Variants in DLG2 observed in about 807,000 individuals in gnomAD.
DLG2 encodes disks large homolog 2.
In DLG2, 45 loss-of-function variants were observed where a neutral mutation model predicts 132.5. The ratio of observed to expected loss-of-function variants is 0.34; its 90% CI spans 0.27 to 0.44. The LOEUF is 0.44. Ranked by LOEUF, DLG2 falls within the 20% of genes least tolerant of loss-of-function variation. The pLI is 1.00. For missense variants in DLG2, 1,045 were observed against 1,196.9 expected (o/e 0.87, Z 1.87); for synonymous variants, 424 against 419.6 (o/e 1.01, Z -0.13).
At chr11:84,590,297 G>A (rs931894499) in intron 6 of DLG2, among the ~76,000 whole-genome samples, 9 of 152,174 alleles carry the variant, frequency 5.9e-5, no homozygotes, top group Admixed American at 5.2e-4. Context: ...AGCCCCAAGA[G>A]ATCCCATTCT....
chr11:84,621,549 G>A (rs886683898), intron 6 of DLG2, among the ~76,000 whole-genome samples: 3 of 152,154 alleles, frequency 2.0e-5, no homozygotes, highest in African/African-American at 7.2e-5. Flanking sequence ...AATATTTATA[G>A]GAAGTCAGAA....
intron 11 of DLG2, among the ~76,000 whole-genome samples, chr11:84,023,617 C>A (rs114595037): frequency 0.017 from 2,511 of 152,156 alleles, 71 homozygotes; most frequent in African/African-American, 0.056. Flanking sequence ...CAGATGGTTT[C>A]TCAATAAATA....
At chr11:84,830,785 G>A (rs1407329637) in intron 6 of DLG2, among the ~76,000 whole-genome samples, 1 of 151,478 alleles carries the variant, frequency 6.6e-6, no homozygotes, top group Non-Finnish European at 1.5e-5. Flanking sequence ...TTTAATCTTA[G>A]AATATCTTTA....
intron 16 of DLG2, among the ~76,000 whole-genome samples, chr11:83,844,455 C>T (rs934517610): frequency 6.5e-5 from 9 of 137,654 alleles, no homozygotes; most frequent in South Asian, 2.3e-4. Flanking sequence ...GGCTGAGGCA[C>T]GAGAATTGCT....
chr11:84,579,869 A>G (rs1256593104), intron 6 of DLG2, among the ~76,000 whole-genome samples: 1 of 152,216 alleles, frequency 6.6e-6, no homozygotes, highest in East Asian at 1.9e-4. Context: ...GGCATACTTG[A>G]CAGTACTTGG....
At chr11:84,644,031 G>A (rs2099671386) in intron 6 of DLG2, among the ~76,000 whole-genome samples, 1 of 152,176 alleles carries the variant, frequency 6.6e-6, no homozygotes, top group African/African-American at 2.4e-5. Flanking sequence ...CTGGTAAGTG[G>A]TAGATGGGGA....
intron 7 of DLG2, among the ~76,000 whole-genome samples, chr11:84,314,952 G>A (rs933053182): frequency 1.9e-4 from 29 of 152,246 alleles, no homozygotes; most frequent in African/African-American, 6.5e-4. Flanking sequence ...TAAGTGAAAA[G>A]TGTTAAAACA....
intron 18 of DLG2, among the ~76,000 whole-genome samples, chr11:83,710,846 G>A (rs1358960534): frequency 6.6e-6 from 1 of 152,158 alleles, no homozygotes; most frequent in Non-Finnish European, 1.5e-5. Flanking sequence ...AATAAAAAAG[G>A]TAAATGTAAT....
chr11:84,827,664 A>G (rs1019829461), intron 6 of DLG2, among the ~76,000 whole-genome samples: 2 of 121,634 alleles, frequency 1.6e-5, no homozygotes, highest in Non-Finnish European at 3.4e-5. Context: ...GCTGGAACTG[A>G]GTACATACAG....
At chr11:84,368,565 T>G (rs2098693440) in intron 7 of DLG2, among the ~76,000 whole-genome samples, 2 of 152,138 alleles carry the variant, frequency 1.3e-5, no homozygotes, top group African/African-American at 4.8e-5. Context: ...ACGTATTTGG[T>G]GTTAACATGT....
intron 18 of DLG2, among the ~76,000 whole-genome samples, chr11:83,659,962 G>A (rs2073819384): frequency 6.6e-6 from 1 of 152,094 alleles, no homozygotes; most frequent in African/African-American, 2.4e-5. Context: ...ATCCTAAATT[G>A]GAGGTTCTGT....
intron 14 of DLG2, among the ~76,000 whole-genome samples, chr11:83,932,472 G>A (rs1428300742): frequency 6.6e-6 from 1 of 152,024 alleles, no homozygotes; most frequent in African/African-American, 2.4e-5. Flanking sequence ...CTGACCTCAT[G>A]ATCTGCCTGC....
intron 6 of DLG2, among the ~76,000 whole-genome samples, chr11:84,932,236 G>C (rs1338401657): frequency 6.6e-6 from 1 of 152,012 alleles, no homozygotes; most frequent in African/African-American, 2.4e-5. Context: ...GTCTTCCAGG[G>C]TTTTTATAAT....
At chr11:84,470,392 G>C (rs1021476600) in intron 7 of DLG2, among the ~76,000 whole-genome samples, 4 of 151,624 alleles carry the variant, frequency 2.6e-5, no homozygotes, top group Non-Finnish European at 5.9e-5. Flanking sequence ...GCCATGTTAG[G>C]TACTAAAGAT....
intron 6 of DLG2, among the ~76,000 whole-genome samples, chr11:84,880,974 G>T (rs1366247539): frequency 1.3e-5 from 2 of 152,088 alleles, no homozygotes; most frequent in African/African-American, 4.8e-5. Flanking sequence ...AAAACTAACA[G>T]ATCTTTACGT....
At chr11:84,132,317 T>C (rs929273892) in intron 9 of DLG2, among the ~76,000 whole-genome samples, 2 of 152,004 alleles carry the variant, frequency 1.3e-5, no homozygotes, top group Non-Finnish European at 2.9e-5. Context: ...ACCTGATATC[T>C]ATAAGCTTTA....
chr11:84,452,035 T>G (rs971368551), intron 7 of DLG2, among the ~76,000 whole-genome samples: 3 of 151,650 alleles, frequency 2.0e-5, no homozygotes, highest in African/African-American at 7.3e-5. Context: ...TATATTCATG[T>G]GAAATATGGT....
At chr11:84,593,324 A>G (rs895162696) in intron 6 of DLG2, among the ~76,000 whole-genome samples, 3 of 152,136 alleles carry the variant, frequency 2.0e-5, no homozygotes, top group Non-Finnish European at 4.4e-5. Flanking sequence ...AAATCATTCT[A>G]CTATGAAGAC....
chr11:84,536,480 C>T (rs1313821164), intron 6 of DLG2, among the ~76,000 whole-genome samples: 1 of 152,064 alleles, frequency 6.6e-6, no homozygotes, highest in Non-Finnish European at 1.5e-5. Context: ...CTGCAAATAC[C>T]ATGCTTTTGT....
Sources: gnomAD v4.1 joint callset for allele counts (sites outside exome capture counted in the v4.1 genomes callset) on GRCh38, gnomAD v4.1.1 for gene constraint, MANE v1.5 for transcripts, NCBI Gene and HGNC (gene_info 2026-07-23, HGNC 2026-07-21) for gene names.